Variants in OPCML observed in about 807,000 individuals in gnomAD.
The protein encoded by OPCML is opioid binding protein/cell adhesion molecule like.
A neutral mutation model predicts 37.8 loss-of-function variants in OPCML; 13 were observed. The observed-to-expected ratio is 0.34, with a 90% CI of 0.22 to 0.55. The LOEUF is 0.55. OPCML is among the 20% of genes least tolerant of loss of function. OPCML has a pLI of 0.91. For synonymous variants in OPCML, 176 were observed against 168.8 expected, an observed-to-expected ratio of 1.04 and a Z score of -0.33; for missense variants, 341 against 435.6, an observed-to-expected ratio of 0.78 and a Z score of 1.93.
intron 1 of OPCML, among the ~76,000 whole-genome samples, chr11:133,510,511 C>T (rs751073508): frequency 6.6e-6 from 1 of 152,232 alleles, no homozygotes; most frequent in Admixed American, 6.5e-5. Flanking sequence ...GCTTCCCCCT[C>T]TCTTGGGCTT....
chr11:133,459,930 G>A (rs1042774203), intron 1 of OPCML, among the ~76,000 whole-genome samples: 4 of 151,944 alleles, frequency 2.6e-5, no homozygotes, highest in African/African-American at 4.8e-5. Context: ...ATTTTCTCCA[G>A]TGCACTTGGT....
At chr11:133,326,580 G>C (rs190775317) in intron 1 of OPCML, among the ~76,000 whole-genome samples, 52 of 140,318 alleles carry the variant, frequency 3.7e-4, no homozygotes, top group African/African-American at 1.4e-3. Flanking sequence ...GTCGGTGTGT[G>C]TATGTGGGTG....
intron 4 of OPCML, among the ~76,000 whole-genome samples, chr11:132,505,676 G>T (rs1284941434): frequency 1.3e-5 from 2 of 152,110 alleles, no homozygotes; most frequent in African/African-American, 2.4e-5. Flanking sequence ...CAGATGTGAG[G>T]CTTCAAAAAA....
At chr11:133,228,753 A>G (rs954683595) in intron 1 of OPCML, among the ~76,000 whole-genome samples, 2 of 152,264 alleles carry the variant, frequency 1.3e-5, no homozygotes, top group Admixed American at 6.5e-5. Flanking sequence ...GAGGCTTCGC[A>G]TGAAAAATGA....
intron 1 of OPCML, among the ~76,000 whole-genome samples, chr11:133,117,026 AATTCC>A (rs1949347199): frequency 6.6e-6 from 1 of 152,090 alleles, no homozygotes; most frequent in Non-Finnish European, 1.5e-5. Flanking sequence ...TTATCTATTT[AATTCC>A]ATACAACTCA....
chr11:133,015,802 C>T (rs1206920543), intron 1 of OPCML, among the ~76,000 whole-genome samples: 1 of 152,170 alleles, frequency 6.6e-6, no homozygotes, highest in Non-Finnish European at 1.5e-5. Flanking sequence ...TTGTAACAAA[C>T]ACCTCCAGAC....
chr11:133,184,975 G>A (rs74916433), intron 1 of OPCML, among the ~76,000 whole-genome samples: 6,263 of 152,100 alleles, frequency 0.041, 210 homozygotes, highest in African/African-American at 0.098. Context: ...TTGTTCGATG[G>A]CTGGCTTGAT....
At chr11:133,357,838 G>A (rs965890839) in intron 1 of OPCML, among the ~76,000 whole-genome samples, 1 of 152,080 alleles carries the variant, frequency 6.6e-6, no homozygotes, top group East Asian at 1.9e-4. Flanking sequence ...CAGGCTACTA[G>A]CACATTCAAA....
intron 1 of OPCML, among the ~76,000 whole-genome samples, chr11:132,957,610 T>G (rs1315714613): frequency 6.6e-6 from 1 of 152,228 alleles, no homozygotes; most frequent in Non-Finnish European, 1.5e-5. Flanking sequence ...TTTTACAAAT[T>G]GAAGGTTTGT....
At chr11:133,296,277 G>C (rs140416156) in intron 1 of OPCML, among the ~76,000 whole-genome samples, 4 of 152,098 alleles carry the variant, frequency 2.6e-5, no homozygotes. Context: ...ATACACTGTC[G>C]TCCTGTCTGT....
chr11:133,247,055 A>G (rs978545435), intron 1 of OPCML, among the ~76,000 whole-genome samples: 1 of 152,238 alleles, frequency 6.6e-6, no homozygotes, highest in African/African-American at 2.4e-5. Context: ...TTTTGAAGAG[A>G]TGAATTTAAA....
At chr11:133,066,975 G>A (rs1362363275) in intron 1 of OPCML, 2 of 152,210 alleles carry the variant, frequency 1.3e-5, no homozygotes, top group Non-Finnish European at 2.9e-5. Flanking sequence ...CACCACACCA[G>A]GCCGGTGAAG....
At chr11:133,073,070 A>G (rs7106889) in intron 1 of OPCML, among the ~76,000 whole-genome samples, 83,270 of 152,084 alleles carry the variant, frequency 0.55, 24,700 homozygotes, top group African/African-American at 0.76. Context: ...TCAGTCCTGA[A>G]CAGCCTTCTG....
chr11:133,415,884 G>T (rs1945751099), intron 1 of OPCML, among the ~76,000 whole-genome samples: 1 of 152,170 alleles, frequency 6.6e-6, no homozygotes, highest in Admixed American at 6.5e-5. Context: ...TGCAGCTGAT[G>T]CTGGGCCCAG....
intron 7 of OPCML, among the ~76,000 whole-genome samples, chr11:132,428,050 T>C (rs142895690): frequency 1.3e-5 from 2 of 152,330 alleles, no homozygotes; most frequent in Admixed American, 6.5e-5. Context: ...TGGACAAATA[T>C]GTGCAGCTTT....
intron 1 of OPCML, among the ~76,000 whole-genome samples, chr11:133,325,532 A>C (rs1436930551): frequency 6.6e-6 from 1 of 152,184 alleles, no homozygotes; most frequent in Admixed American, 6.5e-5. Flanking sequence ...TTATATATAT[A>C]TGTTTGTGCA....
Position 133,420,888 on chromosome 11 carries a change from A to G in OPCML, c.61+111376T>C. 3.0e-6 allele frequency: 3 copies of G among 985,448 alleles called. No homozygotes were observed. The South Asian group carries it at 1.4e-4, about 46-fold the overall frequency. 61.0% of individuals were successfully genotyped at this position (985,448 alleles called of 1,614,324 possible). On this transcript the variant is annotated intron_variant, in intron 1 of 7. Coordinates refer to ENST00000524381, the MANE Select transcript of OPCML (RefSeq NM_001012393.5). ...CAAGTTCCATTTATATGAGCGTCTC[A>G]TGAGCCTTCAAGGAAAACAGTAAAA...
At chr11:132,836,747 A>G (rs777300432) in intron 2 of OPCML, among the ~76,000 whole-genome samples, 1 of 152,190 alleles carries the variant, frequency 6.6e-6, no homozygotes, top group Non-Finnish European at 1.5e-5. Context: ...ACTGAACAAG[A>G]CACGAAATTT....
chr11:133,102,507 G>C (rs1247278004), intron 1 of OPCML, among the ~76,000 whole-genome samples: 1 of 152,134 alleles, frequency 6.6e-6, no homozygotes, highest in African/African-American at 2.4e-5. Flanking sequence ...GCAGAACTTT[G>C]GGAGGCCGAG....
Sources: allele counts gnomAD v4.1 joint callset (sites outside exome capture counted in the v4.1 genomes callset), GRCh38; gene constraint gnomAD v4.1.1; transcripts MANE v1.5; gene names NCBI Gene and HGNC (gene_info 2026-07-23, HGNC 2026-07-21).